Variants in VAV2 observed in about 807,000 individuals in gnomAD.
VAV2 encodes vav guanine nucleotide exchange factor 2.
In VAV2, 67 loss-of-function variants were observed where a neutral mutation model predicts 132.5. That is an observed-to-expected ratio of 0.51 (90% confidence interval 0.42 to 0.62). VAV2 has a LOEUF of 0.62. Ranked by LOEUF, VAV2 falls within the 20% of genes least tolerant of loss-of-function variation. The pLI, the probability that VAV2 is intolerant of heterozygous loss-of-function variation, is 0.00. For synonymous variants in VAV2, 492 were observed against 443.5 expected, an observed-to-expected ratio of 1.11 and a Z score of -1.37; for missense variants, 938 against 1,153.6, an observed-to-expected ratio of 0.81 and a Z score of 2.71.
In VAV2 at chr9:133,961,961, C is replaced by T. The variant is rs570367087; in HGVS notation, c.205-22742G>A. Among the ~76,000 whole-genome samples the T allele has an allele frequency of 3.9e-5, 6 of 152,324 alleles. No homozygotes were observed. The highest frequency in any genetic ancestry group is 3.9e-4 in the East Asian group (2 of 5,170). The stretch of plus-strand genomic sequence containing the variant: ...CAGAACCCAGCATCATCCCCCATGC[C>T]GGGTGCTGGGGACCCTCTTCCTGAA... On this transcript the variant is annotated intron_variant, in intron 1 of 29. Transcript: ENST00000371850. This position sits in a 1 kb window ranked among gnomAD's most constrained non-coding sequence, Gnocchi z 4.1.
rs187142757 is a variant in VAV2 at position 133,867,326 on chromosome 9, G to A, written c.322-5894C>T. Among the ~76,000 whole-genome samples the A allele has an allele frequency of 5.3e-5, 8 of 152,340 alleles. No homozygotes were observed. The East Asian group carries it at 5.8e-4, about 11-fold the overall frequency. ...GCAACTCTAGCTTTCTCTTTCTGGC[G>A]CCTTGGAGAGATGGAAGCCAAAAAA... is the stretch of plus-strand genomic sequence containing the variant. On this transcript the variant is annotated intron_variant, in intron 2 of 29. Transcript: ENST00000371850.
intron 10 of VAV2, among the ~76,000 whole-genome samples, chr9:133,796,843 C>T: frequency 6.6e-6 from 1 of 152,208 alleles, no homozygotes; most frequent in South Asian, 2.1e-4. Flanking sequence ...TCCGCCAGGC[C>T]AGGTCCTTTG....
chr9:133,880,572 C>T (rs1838451420), intron 2 of VAV2, among the ~76,000 whole-genome samples: 1 of 152,158 alleles, frequency 6.6e-6, no homozygotes, highest in South Asian at 2.1e-4. Flanking sequence ...GCCCAGGGGA[C>T]CAAGAGATGG....
intron 1 of VAV2, among the ~76,000 whole-genome samples, chr9:133,988,163 G>A (rs1308443383): frequency 6.6e-6 from 1 of 152,140 alleles, no homozygotes; most frequent in Admixed American, 6.5e-5. Context: ...GCAGGGAGGT[G>A]GGCAACTCCC....
intron 2 of VAV2, among the ~76,000 whole-genome samples, chr9:133,894,017 G>A (rs982110631): frequency 2.0e-5 from 3 of 152,132 alleles, no homozygotes; most frequent in South Asian, 2.1e-4. Context: ...AGGCCACCCC[G>A]CCAAGCAGCA....
Position 133,827,786 on chromosome 9 carries a change from T to TCGCCGG in VAV2, c.449+6485_449+6486insCCGGCG, listed in dbSNP as rs1413090558. On this transcript the variant is annotated intron_variant, in intron 4 of 29. Coordinates refer to ENST00000371850, the MANE Select transcript of VAV2 (RefSeq NM_001134398.2). Reference sequence around the variant, plus strand: ...TGGGGCTGACCACTGAGCACGGGCATCACCACCTACCGCTGCGCCCACTGG... The same window carrying TCGCCGG: ...TGGGGCTGACCACTGAGCACGGGCATCGCCGGCACCACCTACCGCTGCGCCCACTGG... 8.7e-5 allele frequency among the ~76,000 whole-genome samples: 2 copies of TCGCCGG among 22,982 alleles called. 1 individual carries two copies. The allele number at this position is 22,982 out of a possible 152,430, so 15.1% of individuals were successfully genotyped here.
intron 1 of VAV2, among the ~76,000 whole-genome samples, chr9:133,990,772 G>A (rs767049933): frequency 2.0e-4 from 30 of 152,144 alleles, no homozygotes; most frequent in Non-Finnish European, 3.8e-4. Context: ...AGCAGTGACC[G>A]CCACCCCCGC....
intron 18 of VAV2, among the ~76,000 whole-genome samples, chr9:133,783,820 C>T (rs976931556): frequency 2.6e-5 from 4 of 151,440 alleles, no homozygotes; most frequent in Non-Finnish European, 4.4e-5. Flanking sequence ...GCATCCCGGG[C>T]ACCCAGGAAC....
At chr9:133,900,805 TTATG>T (rs952507972) in intron 2 of VAV2, among the ~76,000 whole-genome samples, 3 of 125,650 alleles carry the variant, frequency 2.4e-5, no homozygotes, top group Non-Finnish European at 3.6e-5. Flanking sequence ...ATTTATTTAT[TTATG>T]TATTTTTGAG....
chr9:133,792,300 G>A (rs1310602957), intron 12 of VAV2, among the ~76,000 whole-genome samples: 1 of 122,574 alleles, frequency 8.2e-6, no homozygotes, highest in African/African-American at 3.2e-5. Flanking sequence ...AGCTGTGCTG[G>A]GTGGGGTATG....
chr9:133,954,630 G>A lies in VAV2; in HGVS notation c.205-15411C>T, dbSNP rs145249866. ...TGTGCCACACACCTGTGGGGCGGGC[G>A]GGGGATGCTGCTGATGCTCGAGCAG... On this transcript the variant is annotated intron_variant, in intron 1 of 29. Coordinates refer to ENST00000371850, the MANE Select transcript of VAV2 (RefSeq NM_001134398.2). Among the ~76,000 whole-genome samples, 669 of 152,360 alleles carry A rather than the reference G, an allele frequency of 4.4e-3. 9 individuals carry two copies. The highest frequency in any genetic ancestry group is 0.015 in the African/African-American group (629 of 41,590).
rs973957076 is a variant in VAV2, at chr9:133,879,327, G to T, written c.322-17895C>A. 2.6e-5 allele frequency among the ~76,000 whole-genome samples: 4 copies of T among 152,182 alleles called. No homozygotes were observed. The highest frequency in any genetic ancestry group is 2.1e-4 in the South Asian group (1 of 4,812). ...GAACCAGCAGGGTGTGATCAATGCC[G>T]CAGGGTAAAGAACAGAGCAGCTGGG... is the stretch of plus-strand genomic sequence containing the variant. On this transcript the variant is annotated intron_variant, in intron 2 of 29. Transcript: ENST00000371850. This position sits in a 1 kb window ranked among gnomAD's most constrained non-coding sequence, Gnocchi z 4.4.
At chr9:133,910,864 G>GA (rs1375124728) in intron 2 of VAV2, among the ~76,000 whole-genome samples, 1 of 151,054 alleles carries the variant, frequency 6.6e-6, no homozygotes, top group Non-Finnish European at 1.5e-5. Flanking sequence ...ACTGGGGACA[G>GA]AAATGCAGTC....
chr9:133,892,484 C>T (rs1196694712), intron 2 of VAV2, among the ~76,000 whole-genome samples: 1 of 151,942 alleles, frequency 6.6e-6, no homozygotes, highest in Non-Finnish European at 1.5e-5. Context: ...GGGGAGGAGA[C>T]AGAATTAAGT....
At chr9:133,874,655 C>T (rs1267094512) in intron 2 of VAV2, among the ~76,000 whole-genome samples, 1 of 152,028 alleles carries the variant, frequency 6.6e-6, no homozygotes, top group Non-Finnish European at 1.5e-5. Flanking sequence ...CTCCCCCACA[C>T]CACCCCACTC....
chr9:133,801,759 A>G (rs1834936952), intron 9 of VAV2, among the ~76,000 whole-genome samples: 1 of 152,226 alleles, frequency 6.6e-6, no homozygotes, highest in South Asian at 2.1e-4. Flanking sequence ...GTGGCCTCAG[A>G]AAAGGACACA....
intron 21 of VAV2, 48 bp downstream of exon 21, chr9:133,779,870 G>A: frequency 6.2e-7 from 1 of 1,602,096 alleles, no homozygotes; most frequent in Non-Finnish European, 8.5e-7. Context: ...GCTCCCAGGT[G>A]ATGGCTGACA....
intron 5 of VAV2, among the ~76,000 whole-genome samples, chr9:133,811,023 C>A (rs1835338647): frequency 6.6e-6 from 1 of 152,212 alleles, no homozygotes; most frequent in South Asian, 2.1e-4. Context: ...GCGAGGGGAG[C>A]CCCCAGCAGC....
intron 26 of VAV2, among the ~76,000 whole-genome samples, chr9:133,770,932 C>T (rs770826507): frequency 3.4e-4 from 51 of 152,048 alleles, no homozygotes; most frequent in Non-Finnish European, 6.9e-4. Flanking sequence ...TGGGGCATTG[C>T]CAGCATTATT....
Sources: allele counts gnomAD v4.1 joint callset (sites outside exome capture counted in the v4.1 genomes callset), GRCh38; gene constraint gnomAD v4.1.1; non-coding constraint Gnocchi (gnomAD v3.1); transcripts MANE v1.5; gene names NCBI Gene and HGNC (gene_info 2026-07-23, HGNC 2026-07-21).